The following FAM120A variants were observed in gnomAD, a reference collection of about 807,000 sequenced individuals.
The protein encoded by FAM120A is family with sequence similarity 120 member A, also known as constitutive coactivator of PPAR-gamma-like protein 1.
FAM120A carries 15 observed loss-of-function variants against 109.7 expected under a neutral mutation model. The ratio of observed to expected loss-of-function variants is 0.14; its 90% confidence interval spans 0.09 to 0.21. The LOEUF (loss-of-function observed/expected upper bound fraction) is 0.21. FAM120A is among the 10% of genes least tolerant of loss of function. The pLI is 1.00. For missense variants in FAM120A, 899 were observed against 1,439.3 expected, an observed-to-expected ratio of 0.62 and a Z score of 6.07; for synonymous variants, 493 against 572.8, an observed-to-expected ratio of 0.86 and a Z score of 1.99.
At chr9:93,467,618 G>C (rs964632414) in intron 1 of FAM120A, among the ~76,000 whole-genome samples, 2 of 152,192 alleles carry the variant, frequency 1.3e-5, no homozygotes, top group African/African-American at 4.8e-5. Flanking sequence ...GTGTGAAGCT[G>C]TGTTCATGGG....
rs1200831453 is a variant in FAM120A, at chr9:93,498,335, G to A, written c.934-455G>A. On this transcript the variant is annotated intron_variant, in intron 4 of 17. Coordinates refer to ENST00000277165, the MANE Select transcript of FAM120A (RefSeq NM_014612.5). This position sits in a 1 kb window ranked among gnomAD's most constrained non-coding sequence, Gnocchi z 4.4. ...TTGAAACCGTAAGGCAGAGGCTGCA[G>A]TGAGCGGAGATCATGCCACCGCACT... Among the ~76,000 whole-genome samples the A allele has an allele frequency of 1.3e-5, 2 of 152,236 alleles. No individual in the cohort carries two copies. Among genetic ancestry groups the A allele is most frequent in the African/African-American group, 2.4e-5 (1 of 41,464 alleles).
At chr9:93,554,810 C>T (rs1478553968) in intron 12 of FAM120A, among the ~76,000 whole-genome samples, 1 of 152,214 alleles carries the variant, frequency 6.6e-6, no homozygotes, top group Non-Finnish European at 1.5e-5. Flanking sequence ...TAATCCTTGA[C>T]CTGGATTCTC....
chr9:93,550,425 G>GAAAGTAGA, intron 11 of FAM120A, 152 bp from the exon 12 acceptor site: 1 of 604,176 alleles, frequency 1.7e-6, no homozygotes, highest in Non-Finnish European at 3.0e-6. Flanking sequence ...ATCATCAAAT[G>GAAAGTAGA]AAAGTAGAAA....
chr9:93,557,212 C>T (rs1191890437), intron 13 of FAM120A, among the ~76,000 whole-genome samples: 1 of 148,348 alleles, frequency 6.7e-6, no homozygotes, highest in Non-Finnish European at 1.5e-5. Context: ...TCACTGTAAC[C>T]TCCACCTCCC....
At chr9:93,549,246 T>C (rs983929658) in intron 11 of FAM120A, among the ~76,000 whole-genome samples, 2 of 152,258 alleles carry the variant, frequency 1.3e-5, no homozygotes, top group Non-Finnish European at 2.9e-5. Flanking sequence ...ATTTGCTGTT[T>C]GTTCTCCTTG....
chr9:93,542,294 A>G (rs969138615), intron 10 of FAM120A, among the ~76,000 whole-genome samples: 1 of 152,200 alleles, frequency 6.6e-6, no homozygotes, highest in African/African-American at 2.4e-5. Flanking sequence ...AAAGTGAACC[A>G]CTTGTTACTT....
chr9:93,474,886 C>A (rs775625877), intron 2 of FAM120A, among the ~76,000 whole-genome samples: 1 of 152,214 alleles, frequency 6.6e-6, no homozygotes, highest in South Asian at 2.1e-4. Flanking sequence ...AGCCACCGTG[C>A]CCGGCCAGAC....
chr9:93,559,026 A>T (rs1055508576), intron 15 of FAM120A, among the ~76,000 whole-genome samples: 1 of 152,182 alleles, frequency 6.6e-6, no homozygotes, highest in Non-Finnish European at 1.5e-5. Context: ...ATGAGCTGCT[A>T]ATAGTGGCGT....
intron 3 of FAM120A, among the ~76,000 whole-genome samples, chr9:93,495,999 A>T (rs1171968525): frequency 6.6e-6 from 1 of 152,184 alleles, no homozygotes; most frequent in African/African-American, 2.4e-5. Context: ...CCAGAAGTAG[A>T]TTCCATCTCA....
chr9:93,553,912 ACAC>A (rs1862191716), intron 12 of FAM120A, among the ~76,000 whole-genome samples: 1 of 152,092 alleles, frequency 6.6e-6, no homozygotes, highest in Admixed American at 6.6e-5. Flanking sequence ...GGAAAGAAAA[ACAC>A]CACATAATGT....
intron 3 of FAM120A, among the ~76,000 whole-genome samples, chr9:93,488,055 T>C (rs976069335): frequency 5.3e-5 from 8 of 152,198 alleles, no homozygotes; most frequent in Non-Finnish European, 1.0e-4. Flanking sequence ...ACATTTATTT[T>C]CCCATTTTTA....
At position 93,547,735 on chromosome 9, in the gene FAM120A, A is replaced by G. The variant is rs574906834; in HGVS notation, c.2160-2842A>G. On this transcript the variant is annotated intron_variant, in intron 11 of 17. Coordinates refer to ENST00000277165, the MANE Select transcript of FAM120A (RefSeq NM_014612.5). ...AGATAGATTTAGTAGCGTAAAAGGGATCTGAAAACATTCTAAATGCACAGG... is the reference window on the plus strand; with the variant it reads ...AGATAGATTTAGTAGCGTAAAAGGGGTCTGAAAACATTCTAAATGCACAGG... Among the ~76,000 whole-genome samples, 2 of 152,352 alleles carry G rather than the reference A, an allele frequency of 1.3e-5. 1 individual carries two copies. The highest frequency in any genetic ancestry group is 4.1e-4 in the South Asian group (2 of 4,830).
At chr9:93,509,970 T>C (rs771929059) in intron 5 of FAM120A, among the ~76,000 whole-genome samples, 2 of 152,256 alleles carry the variant, frequency 1.3e-5, no homozygotes, top group Non-Finnish European at 2.9e-5. Context: ...CTTGGTCTTT[T>C]TGAGATGCGT....
chr9:93,470,202 A>G (rs970459066), intron 1 of FAM120A, among the ~76,000 whole-genome samples: 6 of 152,222 alleles, frequency 3.9e-5, no homozygotes, highest in Admixed American at 1.3e-4. Flanking sequence ...TTCTGTTCTC[A>G]AAATTACCTT....
At chr9:93,524,080 C>T (rs764278576) in intron 7 of FAM120A, among the ~76,000 whole-genome samples, 1 of 152,216 alleles carries the variant, frequency 6.6e-6, no homozygotes, top group Non-Finnish European at 1.5e-5. Flanking sequence ...GAGACCCTCC[C>T]GGCTGTCTGT....
chr9:93,487,931 A>AGAT (rs1302536994), intron 3 of FAM120A, among the ~76,000 whole-genome samples: 1 of 151,076 alleles, frequency 6.6e-6, no homozygotes, highest in Non-Finnish European at 1.5e-5. Flanking sequence ...AACATTCATC[A>AGAT]CTCTCTCCTG....
At chr9:93,499,271 C>T (rs535676975) in intron 5 of FAM120A, among the ~76,000 whole-genome samples, 5 of 151,782 alleles carry the variant, frequency 3.3e-5, no homozygotes, top group South Asian at 4.2e-4. Context: ...TTTCTTGACC[C>T]CTGCCTTTTT....
rs375122714 is a variant in FAM120A at position 93,543,280 on chromosome 9, G to A, written c.1968G>A (p.Pro656=). ...ACAAAGGAAAGTCTCCTCAAACCCC[G>A]GAACTGGTTGAAGCTCTTGCCTTCA... ...AAYKGKSPQT[P]ELVEALAFRE... Residue 656 remains proline, a synonymous_variant, in exon 11 of 18, where the codon CCG becomes CCA. Coordinates refer to ENST00000277165, the MANE Select transcript of FAM120A (RefSeq NM_014612.5). 6.6e-5 allele frequency: 107 copies of A among 1,614,180 alleles called. 2 individuals carry two copies. In the African/African-American group the frequency reaches 6.7e-4, roughly 10 times the overall value.
At chr9:93,482,372 G>A (rs1858857736) in intron 3 of FAM120A, among the ~76,000 whole-genome samples, 1 of 151,866 alleles carries the variant, frequency 6.6e-6, no homozygotes, top group South Asian at 2.1e-4. Context: ...TTGTATTTTA[G>A]TAGAGACGGG....
Sources: gnomAD v4.1 joint callset for allele counts (sites outside exome capture counted in the v4.1 genomes callset) on GRCh38, gnomAD v4.1.1 for gene constraint, Gnocchi (gnomAD v3.1) non-coding constraint, MANE v1.5 for transcripts, NCBI Gene and HGNC (gene_info 2026-07-23, HGNC 2026-07-21) for gene names.